The following MYB variants were observed in gnomAD, a reference collection of about 807,000 sequenced individuals.
The protein encoded by MYB is MYB proto-oncogene, transcription factor.
MYB carries 28 observed loss-of-function variants against 92.9 expected under a neutral mutation model. The ratio of observed to expected loss-of-function variants is 0.30; its 90% CI spans 0.22 to 0.41. The LOEUF is 0.41. Among genes scored for constraint, MYB ranks in the 10% least tolerant of loss-of-function variants. The pLI is 1.00. For missense variants in MYB, 679 were observed against 929.3 expected, an observed-to-expected ratio of 0.73 and a Z score of 3.50; for synonymous variants, 295 against 329.1, an observed-to-expected ratio of 0.90 and a Z score of 1.12.
At chr6:135,194,116 T>C (rs1776977194) in intron 7 of MYB, among the ~76,000 whole-genome samples, 198 bp downstream of exon 7, 1 of 152,250 alleles carries the variant, frequency 6.6e-6, no homozygotes, top group East Asian at 1.9e-4. Context: ...GATTCTTTGA[T>C]GTTGCAAGGT....
chr6:135,203,636 C>A, intron 15 of MYB: 1 of 1,094,768 alleles, frequency 9.1e-7, no homozygotes, highest in South Asian at 1.5e-5. Context: ...TCTTCTTCTG[C>A]CCTCAAATGT....
Position 135,217,965 on chromosome 6 carries a change from G to A in MYB, c.2271G>A (p.Arg757=), listed in dbSNP as rs35664708. 44,224 of 1,607,410 alleles carry A rather than the reference G, an allele frequency of 0.028. 891 individuals carry two copies. Among genetic ancestry groups the A allele is most frequent in the Non-Finnish European group, 0.031 (36,521 of 1,173,966 alleles). ...AATACGTGAATGCATTCTCAGCCCG[G>A]ACGCTGGTCATGTGAGACATTTCCA... is the stretch of plus-strand genomic sequence containing the variant. ...ARKYVNAFSA[R]TLVM The change falls in exon 16 of 16, where the codon CGG becomes CGA. Residue 757 remains arginine, a synonymous_variant. Transcript: ENST00000341911.
chr6:135,213,412 T>C (rs1176036272), intron 15 of MYB, among the ~76,000 whole-genome samples: 1 of 152,198 alleles, frequency 6.6e-6, no homozygotes, highest in East Asian at 1.9e-4. Context: ...AAATACCTAG[T>C]CCTGGAGGAA....
rs764394253 is a variant in MYB at position 135,187,886 on chromosome 6, T to G, written c.194T>G (p.Val65Gly). The G allele has an allele frequency of 3.1e-6, 5 of 1,609,750 alleles. No individual in the cohort carries two copies. Among genetic ancestry groups the G allele is most frequent in the Non-Finnish European group, 4.2e-6 (5 of 1,177,506 alleles). ...VEQNGTDDWKVIANYLPNRTD... is the reference protein window; with the variant it reads ...VEQNGTDDWKGIANYLPNRTD... ...CAGAATGGAACAGATGACTGGAAAG[T>G]TATTGCCAATTATCTCCCGGTAAGT... Residue 65 changes from valine to glycine, a missense_variant, in exon 3 of 16, where the codon GTT (valine) becomes GGT (glycine). Transcript: ENST00000341911.
Position 135,203,689 on chromosome 6 carries a change from T to G in MYB, c.2169+365T>G, listed in dbSNP as rs774652194. 6.2e-5 allele frequency: 88 copies of G among 1,424,706 alleles called. 1 individual carries two copies. In the Middle Eastern group the frequency reaches 9.9e-4, roughly 16 times the overall value. 88.3% of individuals were successfully genotyped at this position (1,424,706 alleles called of 1,614,324 possible). A position where few individuals can be genotyped will look rare whatever the true frequency, so the allele number is the denominator to read the frequency against. Reference sequence around the variant, plus strand: ...ATATAGTTTACTTTATGTTCCAAATTTTTTATTTTTTATGCTGTATCCCTA... The same window carrying G: ...ATATAGTTTACTTTATGTTCCAAATGTTTTATTTTTTATGCTGTATCCCTA... On this transcript the variant is annotated intron_variant, in intron 15 of 15. Coordinates refer to ENST00000341911, the MANE Select transcript of MYB (RefSeq NM_001130173.2).
intron 14 of MYB, 105 bp from the exon 15 acceptor site, chr6:135,203,112 T>C: frequency 1.2e-6 from 1 of 837,020 alleles, no homozygotes; most frequent in Non-Finnish European, 2.0e-6. Context: ...TTTTTTATGC[T>C]AATGTGTATC....
chr6:135,181,344 TCCTCCTCCTCCGTGA>T lies in MYB; in HGVS notation c.-158_-144del. On this transcript the variant is annotated 5_prime_UTR_variant, in exon 1 of 16. Transcript: ENST00000341911. The surrounding 1 kb of genome is among the most constrained non-coding windows in gnomAD (Gnocchi z 5.3). ...TCAACCTGTTTCCTCCTCCTCCTTC[TCCTCCTCCTCCGTGA>T]CCTCCTCCTCCTCTTTCTCCTGAGA... 4.6e-6 allele frequency: 1 copy of T among 215,818 alleles called. No homozygotes were observed. The highest frequency in any genetic ancestry group is 8.7e-6 in the Non-Finnish European group (1 of 115,140). 13.4% of individuals were successfully genotyped at this position (215,818 alleles called of 1,614,324 possible).
At chr6:135,193,560 T>C (rs55694060) in intron 6 of MYB, among the ~76,000 whole-genome samples, 1 of 152,180 alleles carries the variant, frequency 6.6e-6, no homozygotes, top group East Asian at 1.9e-4. Context: ...TTTATTGTTT[T>C]TTTCATTGTG....
intron 15 of MYB, among the ~76,000 whole-genome samples, chr6:135,209,768 A>G (rs889089125): frequency 6.6e-6 from 1 of 152,202 alleles, no homozygotes; most frequent in African/African-American, 2.4e-5. Flanking sequence ...AGCAAACAGG[A>G]TATTCTTATA....
At chr6:135,199,938 G>T (rs997283834) in intron 11 of MYB, 147 bp from the exon 12 acceptor site, 6 of 641,896 alleles carry the variant, frequency 9.3e-6, no homozygotes, top group Admixed American at 2.9e-5. Context: ...TTTTCTTAAC[G>T]AATAACGTGA....
chr6:135,213,100 G>A (rs370183079), intron 15 of MYB, among the ~76,000 whole-genome samples: 12 of 152,250 alleles, frequency 7.9e-5, no homozygotes, highest in Admixed American at 3.9e-4. Flanking sequence ...GAGCTGCCTC[G>A]CTCATGCTTG....
chr6:135,215,734 G>C (rs1003601295), intron 15 of MYB, among the ~76,000 whole-genome samples: 4 of 151,984 alleles, frequency 2.6e-5, no homozygotes, highest in Admixed American at 2.0e-4. Context: ...CTCCCTGGAT[G>C]ACATCCCTGC....
chr6:135,189,727 C>A, intron 3 of MYB, 64 bp from the exon 4 acceptor site: 1 of 1,387,990 alleles, frequency 7.2e-7, no homozygotes, highest in Non-Finnish European at 1.0e-6. Context: ...ATTCCTATTA[C>A]AACAAAAAAT....
Position 135,190,426 on chromosome 6 carries a change from G to T in MYB, c.527+79G>T, listed in dbSNP as rs59792981. 21 of 1,080,808 alleles carry T rather than the reference G, an allele frequency of 1.9e-5. No homozygotes were observed. Among genetic ancestry groups the T allele is most frequent in the Non-Finnish European group, 4.1e-6 (3 of 729,196 alleles). The allele number at this position is 1,080,808 out of a possible 1,614,324, so 67.0% of individuals were successfully genotyped here. A position where few individuals can be genotyped will look rare whatever the true frequency, so the allele number is the denominator to read the frequency against. ...GAACATTCTGCTTTAAATGTATGGTGAGTAAATTATATTTCATCAGTCGTA... is the reference window on the plus strand; with the variant it reads ...GAACATTCTGCTTTAAATGTATGGTTAGTAAATTATATTTCATCAGTCGTA... On this transcript the variant is annotated intron_variant, in intron 5 of 15. Transcript: ENST00000341911. The surrounding 1 kb of genome is among the most constrained non-coding windows in gnomAD (Gnocchi z 4.5).
At position 135,212,224 on chromosome 6, in the gene MYB, C is replaced by CTTTTTTTTTTT. The variant is rs545704827; in HGVS notation, c.2170-5617_2170-5607dup. Among the ~76,000 whole-genome samples, 214 of 32,900 alleles carry CTTTTTTTTTTT rather than the reference C, an allele frequency of 6.5e-3. 30 individuals are homozygous for CTTTTTTTTTTT. Among genetic ancestry groups the CTTTTTTTTTTT allele is most frequent in the Non-Finnish European group, 8.8e-3 (165 of 18,726 alleles). The allele number at this position is 32,900 out of a possible 152,430, so 21.6% of individuals were successfully genotyped here. A position where few individuals can be genotyped will look rare whatever the true frequency, so the allele number is the denominator to read the frequency against. On this transcript the variant is annotated intron_variant, in intron 15 of 15. Coordinates refer to ENST00000341911, the MANE Select transcript of MYB (RefSeq NM_001130173.2). ...CATCTGATGAGTTGCTTTGGTTTTA[C>CTTTTTTTTTTT]TTTTTTTTTTTTTTTTTTTTTTTTT...
At position 135,193,831 on chromosome 6, in the gene MYB, C is replaced by T; in HGVS notation, c.763-7C>T. 6 of 1,604,128 alleles carry T rather than the reference C, an allele frequency of 3.7e-6. No individual in the cohort carries two copies. Among genetic ancestry groups the T allele is most frequent in the African/African-American group, 2.7e-5 (2 of 74,820 alleles). On this transcript the variant is annotated splice_polypyrimidine_tract_variant and splice_region_variant and intron_variant, in intron 6 of 15. Transcript: ENST00000341911. ...GACGTGGCCTTTGTTTTGTCTTTTG[C>T]ATCTAGGTCTCCAGTCATGTTCCAT...
chr6:135,205,983 A>G (rs2128310478), intron 15 of MYB, among the ~76,000 whole-genome samples: 1 of 152,092 alleles, frequency 6.6e-6, no homozygotes, highest in East Asian at 1.9e-4. Context: ...AGGTGGGCGG[A>G]TCACGAGGTC....
intron 15 of MYB, among the ~76,000 whole-genome samples, chr6:135,207,925 C>T (rs1374260897): frequency 6.6e-6 from 1 of 151,864 alleles, no homozygotes; most frequent in Non-Finnish European, 1.5e-5. Context: ...TAGGGTTTCT[C>T]CATGTTGGCT....
Position 135,194,971 on chromosome 6 carries a change from A to G in MYB, c.948+511A>G, listed in dbSNP as rs1481374495. 3 of 1,338,194 alleles carry G rather than the reference A, an allele frequency of 2.2e-6. No homozygotes were observed. The South Asian group carries it at 3.5e-5, about 16-fold the overall frequency. The allele number at this position is 1,338,194 out of a possible 1,614,324, so 82.9% of individuals were successfully genotyped here. On this transcript the variant is annotated intron_variant, in intron 8 of 15. Transcript: ENST00000341911. ...TGCATGTGTGAAAGTTATGTGGGCC[A>G]TTACTGAATTCTGACATCTTTAGCG...
Sources: gnomAD v4.1 joint callset for allele counts (sites outside exome capture counted in the v4.1 genomes callset) on GRCh38, gnomAD v4.1.1 for gene constraint, Gnocchi (gnomAD v3.1) non-coding constraint, MANE v1.5 for transcripts, NCBI Gene and HGNC (gene_info 2026-07-23, HGNC 2026-07-21) for gene names.